Variants in PMFBP1 observed in about 807,000 individuals in gnomAD.
PMFBP1 encodes the protein polyamine modulated factor 1 binding protein 1.
Under a neutral mutation model 137.8 loss-of-function variants are expected in PMFBP1, and 131 were observed. The observed-to-expected ratio is 0.95, with a 90% CI of 0.82 to 1.10. The LOEUF (loss-of-function observed/expected upper bound fraction) is 1.10, where lower values mean the gene tolerates loss of function less well. Among genes scored for constraint, PMFBP1 ranks in the 50% least tolerant of loss-of-function variants. PMFBP1 has a pLI of 0.00. For synonymous variants in PMFBP1, 490 were observed against 450.4 expected (o/e 1.09, Z -1.11); for missense variants, 1,199 against 1,175.4 (o/e 1.02, Z -0.29).
the PMFBP1 span, among the ~76,000 whole-genome samples, chr16:72,196,772 C>T: frequency 9.8e-5 from 15 of 152,286 alleles, no homozygotes; most frequent in East Asian, 1.5e-3. Flanking sequence ...TCCAATCTCT[C>T]GTGCCATTCT....
At chr16:72,205,714 T>C in the PMFBP1 span, among the ~76,000 whole-genome samples, 1 of 152,138 alleles carries the variant, frequency 6.6e-6, no homozygotes. Context: ...CAGGGCCCTT[T>C]TGTTTATAGT....
the PMFBP1 span, among the ~76,000 whole-genome samples, chr16:72,220,690 C>G: frequency 6.6e-6 from 1 of 152,126 alleles, no homozygotes; most frequent in African/African-American, 2.4e-5. Context: ...AGAGACAGTA[C>G]TCGGCCTTGC....
chr16:72,166,025 G>A (rs569596657), intron 2 of PMFBP1, among the ~76,000 whole-genome samples: 2 of 152,178 alleles, frequency 1.3e-5, no homozygotes, highest in South Asian at 4.1e-4. Flanking sequence ...GTGAACCTGT[G>A]TAGTGCTTCA....
the PMFBP1 span, among the ~76,000 whole-genome samples, chr16:72,245,115 A>G: frequency 2.0e-5 from 3 of 152,158 alleles, no homozygotes; most frequent in African/African-American, 7.2e-5. Flanking sequence ...GGGATTAATG[A>G]GTTCAGGTAA....
chr16:72,211,717 CG>C, the PMFBP1 span, among the ~76,000 whole-genome samples: 5 of 152,036 alleles, frequency 3.3e-5, no homozygotes, highest in Admixed American at 3.3e-4. Flanking sequence ...TTCTAGGGCC[CG>C]GCATAGTGGC....
In PMFBP1 at chr16:72,124,821, C is replaced by A. The variant is rs1182266315; in HGVS notation, c.2535G>T (p.Glu845Asp). Residue 845 changes from glutamate (E) to aspartate (D), a missense_variant, in exon 17 of 21, where the codon GAG (glutamate) becomes GAT (aspartate). Coordinates refer to ENST00000237353, the MANE Select transcript of PMFBP1 (RefSeq NM_031293.3). Reference protein sequence around the residue: ...MLAAKEEQLREFQEEMAALKE... With the variant: ...MLAAKEEQLRDFQEEMAALKE... Reference sequence around the variant, plus strand: ...TTAAGGCGGCCATCTCCTCCTGGAACTCCCTGAGCTGCTCCTCTTTGGCTG... The same window carrying A: ...TTAAGGCGGCCATCTCCTCCTGGAAATCCCTGAGCTGCTCCTCTTTGGCTG... The A allele has an allele frequency of 1.2e-6, 2 of 1,614,230 alleles. No individual in the cohort carries two copies. The highest frequency in any genetic ancestry group is 2.2e-5 in the South Asian group (2 of 91,082).
chr16:72,180,936 C>G (rs2043274039), upstream of PMFBP1, among the ~76,000 whole-genome samples: 1 of 152,074 alleles, frequency 6.6e-6, no homozygotes, highest in Non-Finnish European at 1.5e-5. Context: ...TTGGGTGTGC[C>G]TTTTTTAAAA....
chr16:72,199,817 T>A, the PMFBP1 span, among the ~76,000 whole-genome samples: 1 of 152,140 alleles, frequency 6.6e-6, no homozygotes, highest in Non-Finnish European at 1.5e-5. Context: ...AAGCCATTGT[T>A]CTAATGCTGC....
At chr16:72,218,749 G>A in the PMFBP1 span, among the ~76,000 whole-genome samples, 169 of 152,208 alleles carry the variant, frequency 1.1e-3, 1 homozygote, top group Non-Finnish European at 5.0e-4. Flanking sequence ...ATGCTCACTC[G>A]CCAAAGTTCA....
chr16:72,123,719 A>G (rs1306289256), intron 17 of PMFBP1, 70 bp from the exon 18 acceptor site: 1 of 1,380,764 alleles, frequency 7.2e-7, no homozygotes, highest in East Asian at 2.3e-5. Flanking sequence ...CTTCCGAGTC[A>G]GGCCTCTTCT....
At chr16:72,119,750 G>C (rs2144212397) in intron 20 of PMFBP1, 101 bp downstream of exon 20, 1 of 1,538,348 alleles carries the variant, frequency 6.5e-7, no homozygotes, top group East Asian at 2.3e-5. Flanking sequence ...AAAATGACTT[G>C]AGGCCACAAA....
the PMFBP1 span, among the ~76,000 whole-genome samples, chr16:72,199,537 C>G: frequency 6.6e-6 from 1 of 151,422 alleles, no homozygotes; most frequent in South Asian, 2.1e-4. Context: ...TCCTGGAGTC[C>G]CAGCTACTCG....
the PMFBP1 span, among the ~76,000 whole-genome samples, chr16:72,228,014 G>A: frequency 6.6e-6 from 1 of 152,122 alleles, no homozygotes; most frequent in Non-Finnish European, 1.5e-5. Context: ...CCTGAAATAT[G>A]TATCTGTTAT....
chr16:72,138,071 T>C (rs1330285954), intron 7 of PMFBP1, among the ~76,000 whole-genome samples: 2 of 152,148 alleles, frequency 1.3e-5, no homozygotes, highest in African/African-American at 4.8e-5. Flanking sequence ...GGAAGGTGTA[T>C]TCTGCTTCTT....
At chr16:72,143,051 T>C (rs2042746675) in intron 5 of PMFBP1, among the ~76,000 whole-genome samples, 1 of 152,238 alleles carries the variant, frequency 6.6e-6, no homozygotes, top group African/African-American at 2.4e-5. Context: ...GTTCTATATA[T>C]GAAAATCTAT....
chr16:72,217,446 G>C, the PMFBP1 span, among the ~76,000 whole-genome samples: 1 of 152,108 alleles, frequency 6.6e-6, no homozygotes, highest in African/African-American at 2.4e-5. Flanking sequence ...TCAGTTAACA[G>C]TTTTCAAACA....
intron 17 of PMFBP1, among the ~76,000 whole-genome samples, chr16:72,124,190 T>A (rs536902373): frequency 5.9e-5 from 9 of 152,282 alleles, no homozygotes; most frequent in African/African-American, 1.9e-4. Flanking sequence ...TTTAAACTTA[T>A]TGTAGAGATG....
the PMFBP1 span, among the ~76,000 whole-genome samples, chr16:72,215,815 A>G: frequency 6.6e-6 from 1 of 152,224 alleles, no homozygotes; most frequent in South Asian, 2.1e-4. Flanking sequence ...ACAATACTAG[A>G]AAATCCTAAT....
chr16:72,139,413 T>A lies in PMFBP1; in HGVS notation c.808-14A>T, dbSNP rs767462614. 1 of 1,582,934 alleles carries A rather than the reference T, an allele frequency of 6.3e-7. No homozygotes were observed. Among genetic ancestry groups the A allele is most frequent in the South Asian group, 1.1e-5 (1 of 89,956 alleles). On this transcript the variant is annotated splice_polypyrimidine_tract_variant and intron_variant, in intron 6 of 20. Transcript: ENST00000237353. ...ACGCTCCAGAACCTGCAAATAAGCT[T>A]AGATCAGTTATGCTGGATGATCAAT...
Sources: gnomAD v4.1 joint callset for allele counts (sites outside exome capture counted in the v4.1 genomes callset) on GRCh38, gnomAD v4.1.1 for gene constraint, MANE v1.5 for transcripts, NCBI Gene and HGNC (gene_info 2026-07-23, HGNC 2026-07-21) for gene names.